Variants in C1orf87 observed in about 807,000 individuals in gnomAD.
C1orf87 encodes the protein uncharacterized protein C1orf87.
Under a neutral mutation model 60.5 loss-of-function variants are expected in C1orf87, and 58 were observed. The ratio of observed to expected loss-of-function variants is 0.96; its 90% confidence interval spans 0.78 to 1.19. The LOEUF (loss-of-function observed/expected upper bound fraction) is 1.19. Ranked by LOEUF, C1orf87 falls within the 50% of genes most tolerant of loss-of-function variation. The pLI is 0.00. For synonymous variants in C1orf87, 236 were observed against 227.4 expected (o/e 1.04, Z -0.34); for missense variants, 673 against 638.6 (o/e 1.05, Z -0.58).
intron 7 of C1orf87, among the ~76,000 whole-genome samples, chr1:60,026,604 G>A (rs1375586501): frequency 6.7e-6 from 1 of 149,490 alleles, no homozygotes. Flanking sequence ...GGAAGGAAGG[G>A]GAGAAGGAAG....
chr1:60,064,666 AT>A (rs1446930689), intron 2 of C1orf87, among the ~76,000 whole-genome samples: 3 of 108,604 alleles, frequency 2.8e-5, no homozygotes, highest in African/African-American at 7.2e-5. Context: ...TAAATATATA[AT>A]TATATATAAA....
intron 2 of C1orf87, among the ~76,000 whole-genome samples, chr1:60,059,474 C>G (rs773546654): frequency 6.6e-6 from 1 of 152,142 alleles, no homozygotes; most frequent in Non-Finnish European, 1.5e-5. Context: ...TCCAGTCGTT[C>G]CCTCTCTCAC....
intron 8 of C1orf87, among the ~76,000 whole-genome samples, chr1:60,024,582 C>T (rs979332598): frequency 7.9e-5 from 12 of 152,118 alleles, no homozygotes; most frequent in East Asian, 5.8e-4. Context: ...TCTCCAGAGA[C>T]GGCTCCCTGG....
intron 9 of C1orf87, among the ~76,000 whole-genome samples, chr1:60,006,480 T>C (rs1473743103): frequency 6.6e-6 from 1 of 152,086 alleles, no homozygotes; most frequent in Non-Finnish European, 1.5e-5. Context: ...TCTGTTTTCT[T>C]GAGTGATAGG....
intron 10 of C1orf87, among the ~76,000 whole-genome samples, chr1:59,999,949 G>A (rs989009056): frequency 1.8e-4 from 27 of 152,238 alleles, no homozygotes; most frequent in African/African-American, 5.3e-4. Flanking sequence ...CCCCAACAGC[G>A]CCAGGCTGGG....
intron 3 of C1orf87, among the ~76,000 whole-genome samples, chr1:60,053,254 T>C (rs546231989): frequency 1.8e-4 from 27 of 152,340 alleles, no homozygotes; most frequent in African/African-American, 6.5e-4. Context: ...GTTATATCTC[T>C]ATAAAGGAAT....
At chr1:60,003,493 A>G (rs1645022293) in intron 9 of C1orf87, among the ~76,000 whole-genome samples, 1 of 152,148 alleles carries the variant, frequency 6.6e-6, no homozygotes. Flanking sequence ...CACAAAAAAA[A>G]AGAAAGTGTA....
At chr1:60,009,413 A>G (rs1325697499) in intron 9 of C1orf87, among the ~76,000 whole-genome samples, 8 of 152,054 alleles carry the variant, frequency 5.3e-5, no homozygotes, top group Admixed American at 1.3e-4. Flanking sequence ...TCCAGAACTG[A>G]GAGAATAAAC....
In C1orf87 at chr1:60,033,621, C is replaced by A. The variant is rs950198892; in HGVS notation, c.884G>T (p.Ser295Ile). 9 of 1,612,790 alleles carry A rather than the reference C, an allele frequency of 5.6e-6. No individual in the cohort carries two copies. The East Asian group carries it at 2.0e-4, about 36-fold the overall frequency. ...ACTCCTGTTCACTTCTGGCTGTGAG[C>A]TGGAGTGCTGAGGTGGAGTGCTGAT... is the stretch of plus-strand genomic sequence containing the variant. ...HSQSTPPQHS[S>I]SQPEVNRSLL... The change falls in exon 7 of 12, where the codon AGC becomes ATC. Residue 295 changes from serine (S) to isoleucine (I), a missense_variant. By Grantham distance (142) the Ser-to-Ile change is moderately radical (BLOSUM62 -2). Coordinates refer to ENST00000371201, the MANE Select transcript of C1orf87 (RefSeq NM_152377.3).
At position 60,025,433 on chromosome 1, in the gene C1orf87, G is replaced by A. The variant is rs147855127; in HGVS notation, c.1095C>T (p.Asn365=). The part of the protein sequence containing the change: ...LTLSLLETLL[N]HQDLGYQNEI... ...CATTTTGGTAACCCAAATCTTGATGGTTAAGCAATGTTTCCAGCAGGCTCA... is the reference window on the plus strand; with the variant it reads ...CATTTTGGTAACCCAAATCTTGATGATTAAGCAATGTTTCCAGCAGGCTCA... The change falls in exon 8 of 12, where the codon AAC becomes AAT. Residue 365 remains asparagine, a synonymous_variant. Transcript: ENST00000371201. The A allele has an allele frequency of 2.6e-3, 4,169 of 1,613,128 alleles. 9 individuals are homozygous for A. Among genetic ancestry groups the A allele is most frequent in the Middle Eastern group, 3.6e-3 (22 of 6,054 alleles).
At chr1:60,008,363 G>T (rs150022729) in intron 9 of C1orf87, among the ~76,000 whole-genome samples, 1 of 152,118 alleles carries the variant, frequency 6.6e-6, no homozygotes, top group Non-Finnish European at 1.5e-5. Flanking sequence ...AGTTGTGTGA[G>T]ACTTCAATTT....
At position 60,047,544 on chromosome 1, in the gene C1orf87, C is replaced by T. The variant is rs1458008214; in HGVS notation, c.343-6413G>A. Among the ~76,000 whole-genome samples, 6 of 152,246 alleles carry T rather than the reference C, an allele frequency of 3.9e-5. No individual in the cohort carries two copies. In the East Asian group the frequency reaches 1.2e-3, roughly 29 times the overall value. On this transcript the variant is annotated intron_variant, in intron 3 of 11. Transcript: ENST00000371201. ...AATTTTCCTGAACATAATGCAGATGCAAGGCTACTCATTGCTTCGGGCCTA... is the reference window on the plus strand; with the variant it reads ...AATTTTCCTGAACATAATGCAGATGTAAGGCTACTCATTGCTTCGGGCCTA...
chr1:60,045,513 A>G (rs1645359589), intron 3 of C1orf87, among the ~76,000 whole-genome samples: 1 of 152,226 alleles, frequency 6.6e-6, no homozygotes, highest in Admixed American at 6.5e-5. Flanking sequence ...ACATGTGGAG[A>G]TAATAGCATG....
rs1038861524 is a variant in C1orf87, at chr1:60,006,807, T to C, written c.1192+3585A>G. 2.6e-5 allele frequency among the ~76,000 whole-genome samples: 4 copies of C among 152,084 alleles called. No individual in the cohort carries two copies. The East Asian group carries it at 7.7e-4, about 29-fold the overall frequency. ...AGGTCTTTTACTACTTTCGGAAGCT[T>C]CTCAGTCATAATTGCTTCAACTTCA... On this transcript the variant is annotated intron_variant, in intron 9 of 11. Transcript: ENST00000371201.
intron 3 of C1orf87, among the ~76,000 whole-genome samples, chr1:60,047,278 C>A (rs189759403): frequency 1.5e-4 from 23 of 152,088 alleles, no homozygotes; most frequent in Admixed American, 1.4e-3. Context: ...TCAGAGATAA[C>A]CAATGAGTTT....
chr1:60,001,128 A>AG lies in C1orf87; in HGVS notation c.1220dup (p.Pro408SerfsTer5). 6.3e-7 allele frequency: 1 copy of AG among 1,591,026 alleles called. No homozygotes were observed. The highest frequency in any genetic ancestry group is 8.5e-7 in the Non-Finnish European group (1 of 1,171,538). On this transcript the variant is annotated frameshift_variant, in exon 10 of 12. Coordinates refer to ENST00000371201, the MANE Select transcript of C1orf87 (RefSeq NM_152377.3). LOFTEE classifies it high-confidence loss of function. ...TCTCGGGGACTTCAGGCTCCATTGG[A>AG]GGGGCAGGGGCTTTCTTTTCATTCT...
chr1:60,023,593 A>G (rs906177577), intron 8 of C1orf87, among the ~76,000 whole-genome samples: 6 of 152,170 alleles, frequency 3.9e-5, no homozygotes, highest in African/African-American at 1.4e-4. Flanking sequence ...CATATACTTC[A>G]TACTTGTTTT....
At chr1:60,035,239 A>G (rs1645267374) in intron 6 of C1orf87, among the ~76,000 whole-genome samples, 1 of 152,196 alleles carries the variant, frequency 6.6e-6, no homozygotes, top group African/African-American at 2.4e-5. Flanking sequence ...GATCTGAATC[A>G]TAAGTCTTCC....
chr1:59,991,546 A>G (rs1644923793), intron 11 of C1orf87, among the ~76,000 whole-genome samples: 1 of 152,050 alleles, frequency 6.6e-6, no homozygotes, highest in Non-Finnish European at 1.5e-5. Context: ...TTTTATTTCT[A>G]TTTTTTAAAA....
Sources: gnomAD v4.1 joint callset for allele counts (sites outside exome capture counted in the v4.1 genomes callset) on GRCh38, gnomAD v4.1.1 for gene constraint, MANE v1.5 for transcripts, NCBI Gene and HGNC (gene_info 2026-07-23, HGNC 2026-07-21) for gene names.